The following MACF1 variants were observed in gnomAD, a reference collection of about 807,000 sequenced individuals.
MACF1 encodes microtubule actin crosslinking factor 1.
A neutral mutation model predicts 854.8 loss-of-function variants in MACF1; 193 were observed. The ratio of observed to expected loss-of-function variants is 0.23; its 90% CI spans 0.20 to 0.25. The LOEUF is 0.25. Ranked by LOEUF, MACF1 falls within the 10% of genes least tolerant of loss-of-function variation. MACF1 has a pLI of 1.00. For synonymous variants in MACF1, 3,185 were observed against 3,226.7 expected, an observed-to-expected ratio of 0.99 and a Z score of 0.44; for missense variants, 7,722 against 8,929.1, an observed-to-expected ratio of 0.86 and a Z score of 5.45.
chr1:39,328,068 A>G (rs1234117683), intron 36 of MACF1, among the ~76,000 whole-genome samples: 1 of 152,186 alleles, frequency 6.6e-6, no homozygotes, highest in East Asian at 1.9e-4. Flanking sequence ...GCAGGCCAAA[A>G]TTAAGCTCAC....
intron 2 of MACF1, among the ~76,000 whole-genome samples, chr1:39,118,993 A>C (rs1642616437): frequency 6.6e-6 from 1 of 152,188 alleles, no homozygotes; most frequent in Non-Finnish European, 1.5e-5. Context: ...GAAATTGGAA[A>C]ACTAAATGGT....
In MACF1 at chr1:39,379,329, A is replaced by G; in HGVS notation, c.13403A>G (p.Glu4468Gly). The G allele has an allele frequency of 6.2e-7, 1 of 1,614,170 alleles. No homozygotes were observed. Among genetic ancestry groups the G allele is most frequent in the Non-Finnish European group, 8.5e-7 (1 of 1,180,022 alleles). Reference sequence around the variant, plus strand: ...AACAGAATGGAGGAGGTTCACAAGGAGGCAAACTCTGTGCTGCAGTGGCTG... The same window carrying G: ...AACAGAATGGAGGAGGTTCACAAGGGGGCAAACTCTGTGCTGCAGTGGCTG... ...ILNRMEEVHK[E>G]ANSVLQWLES... Residue 4468 changes from glutamate (E) to glycine (G), a missense_variant, in exon 54 of 101, where the codon GAG (glutamate) becomes GGG (glycine). Glu to Gly is a moderately conservative substitution (Grantham distance 98). Coordinates refer to ENST00000564288, the MANE Select transcript of MACF1 (RefSeq NM_001394062.1).
In MACF1 at chr1:39,387,751, T is replaced by C; in HGVS notation, c.14909T>C (p.Ile4970Thr). Reference sequence around the variant, plus strand: ...TTGAATAGTGCTGCTGACATTCTGATCAATTCTTCAGAAGCAGATGAGGAT... The same window carrying C: ...TTGAATAGTGCTGCTGACATTCTGACCAATTCTTCAGAAGCAGATGAGGAT... ...EILNSAADIL[I>T]NSSEADEDGI... Residue 4970 changes from isoleucine to threonine, a missense_variant, in exon 58 of 101, where the codon ATC becomes ACC. Ile to Thr is a moderately conservative substitution (Grantham distance 89). This residue lies in a region of MACF1 where 2,807 missense variants were observed against 3,235.8 expected (regional missense o/e 0.87). Coordinates refer to ENST00000564288, the MANE Select transcript of MACF1 (RefSeq NM_001394062.1). 6.2e-7 allele frequency: 1 copy of C among 1,614,088 alleles called. No individual in the cohort carries two copies. The highest frequency in any genetic ancestry group is 2.2e-5 in the East Asian group (1 of 44,878).
chr1:39,412,177 C>G (rs373031092), intron 58 of MACF1: 6 of 1,613,770 alleles, frequency 3.7e-6, no homozygotes, highest in Non-Finnish European at 5.1e-6. Flanking sequence ...AGACTGCAGT[C>G]AAACTGAGGG....
chr1:39,130,829 CCTTTT>C (rs1448184017), intron 2 of MACF1, among the ~76,000 whole-genome samples: 5 of 151,728 alleles, frequency 3.3e-5, no homozygotes, highest in East Asian at 1.9e-4. Context: ...TTTTTTTACC[CCTTTT>C]CTTTTCTTTA....
In MACF1 at chr1:39,412,229, C is replaced by G. The variant is rs369303537; in HGVS notation, c.15817-10145C>G. 10 of 1,613,930 alleles carry G rather than the reference C, an allele frequency of 6.2e-6. No homozygotes were observed. In the African/African-American group the frequency reaches 6.7e-5, roughly 11 times the overall value. On this transcript the variant is annotated intron_variant, in intron 58 of 100. Transcript: ENST00000564288. The stretch of plus-strand genomic sequence containing the variant: ...ATTGAGAGGGTCACCTTCAGTTTTG[C>G]TTTTAATCATGAACTAACAGATGTT...
intron 33 of MACF1, 83 bp from the exon 34 acceptor site, chr1:39,324,110 A>C: frequency 1.4e-6 from 2 of 1,386,128 alleles, no homozygotes; most frequent in South Asian, 2.9e-5. Flanking sequence ...GTTTTTAGGA[A>C]GACTTCATTT....
intron 1 of MACF1, among the ~76,000 whole-genome samples, chr1:39,219,287 G>A (rs1644619753): frequency 6.6e-6 from 1 of 152,094 alleles, no homozygotes; most frequent in African/African-American, 2.4e-5. Flanking sequence ...TAAATTTATG[G>A]AGGTTAAAAG....
chr1:39,385,645 A>G lies in MACF1; in HGVS notation c.14060A>G (p.Gln4687Arg). 1.9e-6 allele frequency: 3 copies of G among 1,614,184 alleles called. No homozygotes were observed. Among genetic ancestry groups the G allele is most frequent in the South Asian group, 2.2e-5 (2 of 91,084 alleles). The stretch of plus-strand genomic sequence containing the variant: ...GACCAAGCTATTGTTAAGAGCACCC[A>G]GTACCAGGAACTGCTCCAGGACTTA... Reference protein sequence around the residue: ...QIDQAIVKSTQYQELLQDLSE... With the variant: ...QIDQAIVKSTRYQELLQDLSE... Residue 4687 changes from glutamine (Q) to arginine (R), a missense_variant, in exon 57 of 101, where the codon CAG becomes CGG. Around this residue, in one of 15 missense-constraint regions of MACF1, gnomAD observed 2,807 missense variants for 3,235.8 expected, o/e 0.87. Transcript: ENST00000564288.
At chr1:39,264,076 T>C (rs568218033) in intron 6 of MACF1, among the ~76,000 whole-genome samples, 6 of 152,280 alleles carry the variant, frequency 3.9e-5, no homozygotes, top group African/African-American at 1.4e-4. Flanking sequence ...CCCAGCATGA[T>C]TTGTTCATTT....
At chr1:39,152,243 G>A (rs1306460451) in intron 2 of MACF1, among the ~76,000 whole-genome samples, 1 of 152,122 alleles carries the variant, frequency 6.6e-6, no homozygotes, top group Non-Finnish European at 1.5e-5. Context: ...AAAGTGCTGG[G>A]ATTACAGGCA....
intron 2 of MACF1, among the ~76,000 whole-genome samples, chr1:39,091,013 G>C (rs1351894228): frequency 6.6e-6 from 1 of 151,312 alleles, no homozygotes; most frequent in Non-Finnish European, 1.5e-5. Context: ...TGGCTTTCCT[G>C]TAGGAGCAGA....
chr1:39,477,039 CTTAGTGT>C (rs1644899314), intron 97 of MACF1, among the ~76,000 whole-genome samples: 3 of 120,966 alleles, frequency 2.5e-5, no homozygotes, highest in Non-Finnish European at 5.0e-5. Flanking sequence ...CATATATACA[CTTAGTGT>C]ATATATATAT....
At chr1:39,435,896 A>G (rs1643963024) in intron 70 of MACF1, 135 bp downstream of exon 70, 2 of 713,900 alleles carry the variant, frequency 2.8e-6, no homozygotes, top group Admixed American at 6.0e-5. Flanking sequence ...TAGAACAGAA[A>G]GCTTAGCCTA....
chr1:39,300,709 AT>A (rs1489935915), intron 22 of MACF1, among the ~76,000 whole-genome samples: 2 of 152,148 alleles, frequency 1.3e-5, no homozygotes, highest in Admixed American at 6.5e-5. Context: ...ATTTGTAAAT[AT>A]CCCTTAAACG....
rs1207152597 is a variant in MACF1, at chr1:39,422,389, C to A, written c.15832C>A (p.Gln5278Lys). ...AATTATCTAGATGTTTCAGAAAGAACAAGTGGATCCTCTTCAGATGAAATT... is the reference window on the plus strand; with the variant it reads ...AATTATCTAGATGTTTCAGAAAGAAAAAGTGGATCCTCTTCAGATGAAATT... ...LADFKMFQKE[Q>K]VDPLQMKLQQ... is the part of the protein sequence containing the mutation. The change falls in exon 59 of 101, where the codon CAA (glutamine) becomes AAA (lysine). Residue 5278 changes from glutamine to lysine, a missense_variant. By Grantham distance (53) the Gln-to-Lys change is moderately conservative (BLOSUM62 1). Around this residue, in one of 15 missense-constraint regions of MACF1, gnomAD observed 2,807 missense variants for 3,235.8 expected, o/e 0.87. Coordinates refer to ENST00000564288, the MANE Select transcript of MACF1 (RefSeq NM_001394062.1). 1.2e-6 allele frequency: 2 copies of A among 1,613,724 alleles called. No homozygotes were observed. The highest frequency in any genetic ancestry group is 1.7e-6 in the Non-Finnish European group (2 of 1,179,848).
Position 39,336,177 on chromosome 1 carries a change from AAAG to A in MACF1, c.9593_9595del (p.Glu3198del). The A allele has an allele frequency of 6.2e-7, 1 of 1,614,188 alleles. No individual in the cohort carries two copies. Among genetic ancestry groups the A allele is most frequent in the East Asian group, 2.2e-5 (1 of 44,890 alleles). On this transcript the variant is annotated inframe_deletion, in exon 37 of 101. Transcript: ENST00000564288. Reference sequence around the variant, plus strand: ...AATCACAGTTTCTAGACCAGATTCAAAAGAAGTCAGGTATCTAGAATTCTCAGA... The same window carrying A: ...AATCACAGTTTCTAGACCAGATTCAAAAGTCAGGTATCTAGAATTCTCAGA...
rs1234183399 is a variant in MACF1, at chr1:39,284,200, T to G, written c.1035+15T>G. ...TTGAACTAAAGGTAAAGTCAAGGACTTAAATTTTTTTGGTAAAATCTTTCT... is the reference window on the plus strand; with the variant it reads ...TTGAACTAAAGGTAAAGTCAAGGACGTAAATTTTTTTGGTAAAATCTTTCT... On this transcript the variant is annotated intron_variant, in intron 10 of 100. Transcript: ENST00000564288. 6.2e-7 allele frequency: 1 copy of G among 1,608,086 alleles called. No individual in the cohort carries two copies. The highest frequency in any genetic ancestry group is 1.1e-5 in the South Asian group (1 of 89,752).
intron 2 of MACF1, among the ~76,000 whole-genome samples, chr1:39,131,292 T>A (rs370426546): frequency 8.6e-5 from 13 of 150,738 alleles, no homozygotes; most frequent in East Asian, 7.8e-4. Context: ...ATCTCCTGAG[T>A]AAGCTAGGAA....
Sources: gnomAD v4.1 joint callset for allele counts (sites outside exome capture counted in the v4.1 genomes callset) on GRCh38, gnomAD v4.1.1 for gene constraint, gnomAD v4.1.1 regional missense constraint, MANE v1.5 for transcripts, NCBI Gene and HGNC (gene_info 2026-07-23, HGNC 2026-07-21) for gene names.